COL4A6: variants seen among roughly 807,000 people sequenced by gnomAD.
The protein encoded by COL4A6 is collagen type IV alpha 6 chain.
Under a neutral mutation model 126.7 loss-of-function variants are expected in COL4A6, and 59 were observed. The observed-to-expected ratio is 0.47, with a 90% CI of 0.38 to 0.58. The LOEUF (loss-of-function observed/expected upper bound fraction) is 0.58. Ranked by LOEUF, COL4A6 falls within the 20% of genes least tolerant of loss-of-function variation. The probability of loss-of-function intolerance (pLI) is 0.00; values close to 1 mark genes in which losing one functional copy is unlikely to be tolerated. For missense variants in COL4A6, 1,285 were observed against 1,337.3 expected (o/e 0.96, Z 0.61); for synonymous variants, 547 against 496.6 (o/e 1.10, Z -1.35).
chrX:108,212,916 T>C (rs2035752210), intron 6 of COL4A6, among the ~76,000 whole-genome samples: 1 of 112,203 alleles, frequency 8.9e-6, no homozygotes, highest in Admixed American at 9.4e-5. Context: ...GGGGGTAGCA[T>C]GTCCTTGCTT....
At chrX:108,323,723 C>T (rs2039083306) in intron 2 of COL4A6, among the ~76,000 whole-genome samples, 1 of 112,261 alleles carries the variant, frequency 8.9e-6, no homozygotes, top group Non-Finnish European at 1.9e-5. Flanking sequence ...ATTCACACAT[C>T]CTTTCTTAAA....
chrX:108,191,029 CA>C (rs1163282182), intron 19 of COL4A6, among the ~76,000 whole-genome samples: 2 of 111,680 alleles, frequency 1.8e-5, no homozygotes, highest in African/African-American at 6.5e-5. Flanking sequence ...CAGCCCACCC[CA>C]TTGGAGCCTT....
chrX:108,192,883 T>C (rs1408243127), intron 17 of COL4A6, among the ~76,000 whole-genome samples: 1 of 112,695 alleles, frequency 8.9e-6, no homozygotes, highest in Non-Finnish European at 1.9e-5. Flanking sequence ...TGTCTACCAT[T>C]TGGATTAAGA....
intron 6 of COL4A6, among the ~76,000 whole-genome samples, chrX:108,213,000 C>G (rs2035753877): frequency 8.9e-6 from 1 of 111,825 alleles, no homozygotes; most frequent in South Asian, 3.8e-4. Context: ...TTGTAACCCA[C>G]TTATCTCATC....
At chrX:108,214,280 TC>T in intron 5 of COL4A6, 52 bp from the exon 6 acceptor site, 4 of 897,580 alleles carry the variant, frequency 4.5e-6, no homozygotes, top group Non-Finnish European at 6.3e-6. Context: ...TGTCAGCTAT[TC>T]TAAATGGCTC....
chrX:108,219,786 T>A, intron 4 of COL4A6, 44 bp from the exon 5 acceptor site: 1 of 1,080,030 alleles, frequency 9.3e-7, no homozygotes, highest in Non-Finnish European at 1.3e-6. Context: ...ACAATCCAAC[T>A]GATGTTTGTT....
At chrX:108,321,251 G>C (rs1228446484) in intron 2 of COL4A6, among the ~76,000 whole-genome samples, 3 of 112,074 alleles carry the variant, frequency 2.7e-5, no homozygotes, top group Admixed American at 1.9e-4. Context: ...CAGCTGTTAA[G>C]TGACTTTTTC....
chrX:108,410,130 A>G (rs1328299113), intron 2 of COL4A6, among the ~76,000 whole-genome samples: 3 of 111,861 alleles, frequency 2.7e-5, no homozygotes, highest in African/African-American at 9.8e-5. Context: ...TCCTGGAGTC[A>G]GTGAAATTCT....
chrX:108,238,108 G>GTTTTTTTTTTTTTTTTTTTT, intron 3 of COL4A6, among the ~76,000 whole-genome samples: 1 of 102,882 alleles, frequency 9.7e-6, no homozygotes, highest in African/African-American at 3.7e-5. Context: ...GTGTGTGTGT[G>GTTTTTTTTTTTTTTTTTTTT]TGTGTTTTTT....
intron 36 of COL4A6, 116 bp downstream of exon 36, chrX:108,169,829 G>A: frequency 1.2e-6 from 1 of 838,701 alleles, no homozygotes; most frequent in Non-Finnish European, 1.7e-6. Context: ...AGGTTAATAA[G>A]GAGAGCTATG....
At chrX:108,421,389 A>G (rs2063980195) in intron 2 of COL4A6, among the ~76,000 whole-genome samples, 1 of 112,097 alleles carries the variant, frequency 8.9e-6, no homozygotes, top group Non-Finnish European at 1.9e-5. Flanking sequence ...AGAGTGCAGA[A>G]GCTAAGGGAA....
At chrX:108,245,306 G>T (rs184331616) in intron 3 of COL4A6, among the ~76,000 whole-genome samples, 1,531 of 111,902 alleles carry the variant, frequency 0.014, 10 homozygotes, top group Admixed American at 0.022. Context: ...AGATATTTTT[G>T]TCACTAATTA....
intron 2 of COL4A6, among the ~76,000 whole-genome samples, chrX:108,421,652 T>A (rs1031639529): frequency 2.0e-4 from 22 of 112,172 alleles, no homozygotes; most frequent in African/African-American, 6.8e-4. Flanking sequence ...TTTATCCATG[T>A]AAATCTCATT....
intron 2 of COL4A6, among the ~76,000 whole-genome samples, chrX:108,312,114 C>T (rs1281223948): frequency 1.8e-5 from 2 of 112,113 alleles, no homozygotes; most frequent in Non-Finnish European, 3.8e-5. Context: ...GGATTTAGTA[C>T]CATCCAACTT....
Position 108,192,521 on chromosome X carries a change from G to A in COL4A6, c.1132C>T (p.Gln378Ter). The change falls in exon 18 of 45, where the codon CAA becomes TAA. Residue 378 changes from glutamine (Q) to a stop codon, truncating the protein, a stop_gained. Coordinates refer to ENST00000334504, the MANE Select transcript of COL4A6 (RefSeq NM_033641.4). LOFTEE classifies it high-confidence loss of function. ...ACACCAGAAGGGCCACGTAGGCCTT[G>A]GATGCCTTCATCTCCTTTAAGGCCT... ...LPGLKGDEGI[Q>*]GLRGPSGVPG... 1 of 1,209,742 alleles carries A rather than the reference G, an allele frequency of 8.3e-7. No individual in the cohort carries two copies. Among genetic ancestry groups the A allele is most frequent in the Non-Finnish European group, 1.1e-6 (1 of 894,290 alleles).
chrX:108,282,801 G>T (rs1350101150), intron 3 of COL4A6, among the ~76,000 whole-genome samples: 2 of 109,306 alleles, frequency 1.8e-5, no homozygotes, highest in African/African-American at 6.7e-5. Flanking sequence ...TATACATCAT[G>T]GAATACTATG....
intron 2 of COL4A6, among the ~76,000 whole-genome samples, chrX:108,373,851 T>C (rs1351429757): frequency 8.9e-6 from 1 of 112,425 alleles, no homozygotes; most frequent in Non-Finnish European, 1.9e-5. Context: ...TCCTTTAAAA[T>C]TGTTTTCCTT....
intron 41 of COL4A6, among the ~76,000 whole-genome samples, chrX:108,162,255 C>T (rs751902727): frequency 6.4e-4 from 70 of 110,128 alleles, no homozygotes; most frequent in African/African-American, 2.0e-3. Context: ...GAGGCTGAGG[C>T]GGGAGAATCA....
chrX:108,421,279 C>T (rs1434491402), intron 2 of COL4A6, among the ~76,000 whole-genome samples: 2 of 112,288 alleles, frequency 1.8e-5, no homozygotes, highest in Non-Finnish European at 3.8e-5. Context: ...TTATTGAGCG[C>T]ATACAACAAT....
Sources: gnomAD v4.1 joint callset for allele counts (sites outside exome capture counted in the v4.1 genomes callset) on GRCh38, gnomAD v4.1.1 for gene constraint, MANE v1.5 for transcripts, NCBI Gene and HGNC (gene_info 2026-07-23, HGNC 2026-07-21) for gene names.